Variants in PTPRQ observed in about 807,000 individuals in gnomAD.
The protein encoded by PTPRQ is protein tyrosine phosphatase receptor type Q.
A neutral mutation model predicts 246.0 loss-of-function variants in PTPRQ; 199 were observed. That is an observed-to-expected ratio of 0.81 (90% CI 0.72 to 0.91). The LOEUF (loss-of-function observed/expected upper bound fraction) is 0.91. Ranked by LOEUF, PTPRQ falls within the 40% of genes least tolerant of loss-of-function variation. The probability of loss-of-function intolerance (pLI) is 0.00; values close to 1 mark genes in which losing one functional copy is unlikely to be tolerated. For synonymous variants in PTPRQ, 869 were observed against 853.2 expected (o/e 1.02, Z -0.32); for missense variants, 2,624 against 2,528.4 (o/e 1.04, Z -0.81).
At chr12:80,506,507 C>A in intron 15 of PTPRQ, 62 bp from the exon 16 acceptor site, 1 of 1,289,354 alleles carries the variant, frequency 7.8e-7, no homozygotes, top group South Asian at 1.5e-5. Flanking sequence ...CATAGTTTGC[C>A]TCTTGCATAT....
At chr12:80,531,581 C>A (rs914755538) in intron 17 of PTPRQ, among the ~76,000 whole-genome samples, 3 of 152,118 alleles carry the variant, frequency 2.0e-5, no homozygotes, top group South Asian at 2.1e-4. Flanking sequence ...ATCTGCAATT[C>A]GGTAACAGCT....
chr12:80,654,281 A>G (rs1319363707), intron 38 of PTPRQ, among the ~76,000 whole-genome samples: 4 of 152,086 alleles, frequency 2.6e-5, no homozygotes, highest in Non-Finnish European at 5.9e-5. Flanking sequence ...TTAAGTGGAG[A>G]TGGTTTTTCA....
rs1446224689 is a variant in PTPRQ, at chr12:80,473,033, ACACT to A, written c.1186+786_1186+789del. 4.8e-4 allele frequency among the ~76,000 whole-genome samples: 48 copies of A among 99,240 alleles called. No homozygotes were observed. The East Asian group carries it at 5.8e-3, about 12-fold the overall frequency. 65.1% of individuals were successfully genotyped at this position (99,240 alleles called of 152,430 possible). ...AATGTAGACATGTATACACACACACACACTCACACACACGCACACACACACACAC... is the reference window on the plus strand; with the variant it reads ...AATGTAGACATGTATACACACACACACACACACACGCACACACACACACAC... On this transcript the variant is annotated intron_variant, in intron 8 of 44. Transcript: ENST00000644991.
intron 35 of PTPRQ, among the ~76,000 whole-genome samples, chr12:80,636,102 A>G (rs1899637860): frequency 6.6e-6 from 1 of 152,190 alleles, no homozygotes; most frequent in African/African-American, 2.4e-5. Flanking sequence ...TACAAAATGA[A>G]GGTTATTCAA....
chr12:80,633,086 G>A (rs573022545), intron 34 of PTPRQ, among the ~76,000 whole-genome samples: 1 of 152,236 alleles, frequency 6.6e-6, no homozygotes, highest in East Asian at 1.9e-4. Context: ...GGCTGGCAAA[G>A]GAGAAATGCA....
At chr12:80,467,641 A>T (rs1220203633) in intron 6 of PTPRQ, among the ~76,000 whole-genome samples, 1 of 152,112 alleles carries the variant, frequency 6.6e-6, no homozygotes, top group African/African-American at 2.4e-5. Context: ...GATTAAGAAA[A>T]TGTGGCACAT....
intron 19 of PTPRQ, 71 bp from the exon 20 acceptor site, chr12:80,539,705 A>C: frequency 1.6e-6 from 2 of 1,240,252 alleles, no homozygotes; most frequent in East Asian, 5.9e-5. Context: ...ATCCATTGAT[A>C]ACAATTAGTT....
At chr12:80,648,307 A>G (rs915806596) in intron 35 of PTPRQ, among the ~76,000 whole-genome samples, 5 of 152,038 alleles carry the variant, frequency 3.3e-5, no homozygotes, top group Non-Finnish European at 5.9e-5. Context: ...AAGTTTGTGT[A>G]TGTTGTGTAG....
intron 17 of PTPRQ, among the ~76,000 whole-genome samples, chr12:80,521,265 C>T (rs1895474817): frequency 6.6e-6 from 1 of 152,058 alleles, no homozygotes; most frequent in African/African-American, 2.4e-5. Flanking sequence ...GATATTAGCC[C>T]TTTGTCAGAT....
intron 16 of PTPRQ, among the ~76,000 whole-genome samples, chr12:80,508,669 A>G (rs1895037258): frequency 6.6e-6 from 1 of 152,104 alleles, no homozygotes; most frequent in African/African-American, 2.4e-5. Flanking sequence ...GTTAGATTGT[A>G]TTTTAGAATA....
At chr12:80,518,882 CTG>C (rs1471408994) in intron 17 of PTPRQ, among the ~76,000 whole-genome samples, 1 of 152,030 alleles carries the variant, frequency 6.6e-6, no homozygotes, top group Non-Finnish European at 1.5e-5. Flanking sequence ...TACTATAACT[CTG>C]TAGTATAATT....
At chr12:80,569,683 C>G (rs193014325) in intron 25 of PTPRQ, among the ~76,000 whole-genome samples, 13 of 151,338 alleles carry the variant, frequency 8.6e-5, no homozygotes, top group African/African-American at 3.2e-4. Flanking sequence ...GGTTTGCTGC[C>G]GCCATCAAAC....
chr12:80,596,752 C>G (rs1897982645), intron 26 of PTPRQ, among the ~76,000 whole-genome samples: 1 of 151,930 alleles, frequency 6.6e-6, no homozygotes, highest in African/African-American at 2.4e-5. Context: ...CTGCATTTAC[C>G]AAGAAAGAAT....
intron 3 of PTPRQ, chr12:80,454,584 G>A: frequency 1.4e-6 from 1 of 701,936 alleles, no homozygotes. Flanking sequence ...TCTCCGTTTA[G>A]GATTATGTTG....
At chr12:80,565,994 TATC>T (rs1452272950) in intron 25 of PTPRQ, among the ~76,000 whole-genome samples, 11 of 152,178 alleles carry the variant, frequency 7.2e-5, no homozygotes, top group Non-Finnish European at 1.2e-4. Context: ...ATTAATAAGT[TATC>T]ATTGCAATTT....
chr12:80,583,726 T>C (rs975346433), intron 25 of PTPRQ: 3 of 152,218 alleles, frequency 2.0e-5, no homozygotes, highest in South Asian at 2.1e-4. Flanking sequence ...CATAGTTCTA[T>C]AGGTCAGAAG....
intron 6 of PTPRQ, among the ~76,000 whole-genome samples, 167 bp from the exon 7 acceptor site, chr12:80,468,543 A>G (rs1409188863): frequency 1.3e-5 from 2 of 152,196 alleles, no homozygotes; most frequent in Admixed American, 1.3e-4. Context: ...TGTTATTCAC[A>G]ATTTTCAATT....
At chr12:80,667,959 T>G (rs1920445) in intron 39 of PTPRQ, among the ~76,000 whole-genome samples, 70,528 of 151,578 alleles carry the variant, frequency 0.47, 17,710 homozygotes, top group African/African-American at 0.67. Context: ...TTTGGGAAAA[T>G]CACCTAAAGT....
chr12:80,492,393 G>T (rs1007270182), intron 9 of PTPRQ, among the ~76,000 whole-genome samples: 2 of 151,862 alleles, frequency 1.3e-5, no homozygotes, highest in African/African-American at 4.8e-5. Context: ...TGTTGATTAG[G>T]TATGTTCTAA....
Sources: gnomAD v4.1 joint callset for allele counts (sites outside exome capture counted in the v4.1 genomes callset) on GRCh38, gnomAD v4.1.1 for gene constraint, MANE v1.5 for transcripts, NCBI Gene and HGNC (gene_info 2026-07-23, HGNC 2026-07-21) for gene names.